SLC12A5: variants seen among roughly 807,000 people sequenced by gnomAD.
SLC12A5 encodes K-Cl cotransporter 2.
A neutral mutation model predicts 124.0 loss-of-function variants in SLC12A5; 18 were observed. The observed-to-expected ratio is 0.15, with a 90% CI of 0.10 to 0.22. The LOEUF (loss-of-function observed/expected upper bound fraction) is 0.22, where lower values mean the gene tolerates loss of function less well. Among genes scored for constraint, SLC12A5 ranks in the 10% least tolerant of loss-of-function variants. SLC12A5 has a pLI of 1.00. For missense variants in SLC12A5, 867 were observed against 1,478.7 expected, an observed-to-expected ratio of 0.59 and a Z score of 6.78; for synonymous variants, 589 against 568.0, an observed-to-expected ratio of 1.04 and a Z score of -0.53.
At chr20:46,035,245 C>T (rs1268124091) in intron 2 of SLC12A5, 159 bp from the exon 3 acceptor site, 6 of 1,050,708 alleles carry the variant, frequency 5.7e-6, no homozygotes, top group Non-Finnish European at 8.5e-6. Flanking sequence ...TCCTACCATT[C>T]TTACCCCTGT....
chr20:46,041,104 T>C (rs1261333415), intron 7 of SLC12A5: 1 of 493,848 alleles, frequency 2.0e-6, no homozygotes, highest in South Asian at 2.1e-5. Context: ...AACACAGCAT[T>C]GCACTAATGC....
At position 46,045,944 on chromosome 20, in the gene SLC12A5, G is replaced by C. The variant is rs1364136088; in HGVS notation, c.1636G>C (p.Glu546Gln). The C allele has an allele frequency of 6.8e-6, 11 of 1,614,010 alleles. No homozygotes were observed. The highest frequency in any genetic ancestry group is 9.3e-6 in the Non-Finnish European group (11 of 1,180,026). The change falls in exon 13 of 26, where the codon GAG (glutamate) becomes CAG (glutamine). Residue 546 changes from glutamate (E) to glutamine (Q), a missense_variant. By Grantham distance (29) the Glu-to-Gln change is conservative. This residue lies in a region of SLC12A5 where 152 missense variants were observed against 358.7 expected (regional missense o/e 0.42). Transcript: ENST00000243964. The surrounding 1 kb of genome is among the most constrained non-coding windows in gnomAD (Gnocchi z 4.9). Reference protein sequence around the residue: ...WALLLTACICEIGILIASLDE... With the variant: ...WALLLTACICQIGILIASLDE... ...CCTGCTCCTGACTGCCTGCATCTGC[G>C]AGATTGGCATCCTCATTGCATCCCT... is the stretch of plus-strand genomic sequence containing the variant.
At position 46,041,239 on chromosome 20, in the gene SLC12A5, G is replaced by A. The variant is rs998506161; in HGVS notation, c.855-90G>A. 5 of 1,080,614 alleles carry A rather than the reference G, an allele frequency of 4.6e-6. No individual in the cohort carries two copies. The African/African-American group carries it at 4.7e-5, about 10-fold the overall frequency. 66.9% of individuals were successfully genotyped at this position (1,080,614 alleles called of 1,614,324 possible). On this transcript the variant is annotated intron_variant, in intron 7 of 25. Coordinates refer to ENST00000243964, the MANE Select transcript of SLC12A5 (RefSeq NM_020708.5). ...CTCTGGATATGGGGACCTGGCGTCC[G>A]TGTGTTTAAAAGGTCTCCCGGTGGC...
upstream of SLC12A5, chr20:46,027,942 G>A (rs1216410229): frequency 1.3e-5 from 2 of 152,170 alleles, no homozygotes; most frequent in Non-Finnish European, 2.9e-5. Flanking sequence ...CTGGAACTTA[G>A]AGAGCCAGGG....
At chr20:46,043,963 G>T in intron 11 of SLC12A5, 30 bp downstream of exon 11, 1 of 1,564,230 alleles carries the variant, frequency 6.4e-7, no homozygotes, top group South Asian at 1.2e-5. Context: ...TCCTATTCTG[G>T]GGGAGGGGTG....
At position 46,040,412 on chromosome 20, in the gene SLC12A5, G is replaced by T. The variant is rs2084535300; in HGVS notation, c.652G>T (p.Asp218Tyr). 1.2e-6 allele frequency: 2 copies of T among 1,614,118 alleles called. No individual in the cohort carries two copies. Among genetic ancestry groups the T allele is most frequent in the Admixed American group, 3.3e-5 (2 of 60,012 alleles). Residue 218 changes from aspartate (D) to tyrosine (Y), a missense_variant, in exon 7 of 26, where the codon GAT becomes TAT. By Grantham distance (160) the Asp-to-Tyr change is radical. Around this residue, in one of 9 missense-constraint regions of SLC12A5, gnomAD observed 126 missense variants for 291.6 expected, o/e 0.43. Transcript: ENST00000243964. ...FPAMAIFKAE[D>Y]ASGEAAAMLN... is the part of the protein sequence containing the mutation. ...AGCCATGGCCATCTTCAAGGCAGAA[G>T]ATGCCAGTGGGGAGGCAGCAGCCAT...
chr20:46,040,673 A>T lies in SLC12A5; in HGVS notation c.854+59A>T. 1.9e-6 allele frequency: 3 copies of T among 1,588,690 alleles called. No homozygotes were observed. In the South Asian group the frequency reaches 3.4e-5, roughly 18 times the overall value. ...CCTCCTACCTCCCTGGCCCTGTTTC[A>T]GAGTCTCTGCCAAACTCCCCCTCCC... On this transcript the variant is annotated intron_variant, in intron 7 of 25. Transcript: ENST00000243964.
At chr20:46,048,589 A>T (rs896831858) in intron 16 of SLC12A5, among the ~76,000 whole-genome samples, 1 of 152,154 alleles carries the variant, frequency 6.6e-6, no homozygotes, top group African/African-American at 2.4e-5. Context: ...AAAATCAGGG[A>T]TGCCGAGCGC....
intron 17 of SLC12A5, among the ~76,000 whole-genome samples, chr20:46,051,309 G>T (rs990204765): frequency 2.6e-5 from 4 of 152,224 alleles, no homozygotes; most frequent in Admixed American, 2.6e-4. Context: ...TGGTCTGGGT[G>T]GGGGTGGTAT....
chr20:46,058,899 C>T lies in SLC12A5; in HGVS notation c.*1294C>T. 5 of 396,638 alleles carry T rather than the reference C, an allele frequency of 1.3e-5. No individual in the cohort carries two copies. The highest frequency in any genetic ancestry group is 1.1e-4 in the East Asian group (3 of 27,994). The allele number at this position is 396,638 out of a possible 1,614,324, so 24.6% of individuals were successfully genotyped here. A position where few individuals can be genotyped will look rare whatever the true frequency, so the allele number is the denominator to read the frequency against. ...GGGGCCGGGCCTCGCTGCTTAGCAG[C>T]GGCCTCTAGCTCCGTCTCCCGGGGA... is the stretch of plus-strand genomic sequence containing the variant. On this transcript the variant is annotated 3_prime_UTR_variant, in exon 26 of 26. Transcript: ENST00000243964. This position sits in a 1 kb window ranked among gnomAD's most constrained non-coding sequence, Gnocchi z 5.8.
intron 17 of SLC12A5, among the ~76,000 whole-genome samples, chr20:46,051,267 G>C (rs1206884395): frequency 6.6e-6 from 1 of 152,154 alleles, no homozygotes; most frequent in African/African-American, 2.4e-5. Context: ...GAAACAAATT[G>C]TCTGGCTGTG....
intron 1 of SLC12A5, among the ~76,000 whole-genome samples, chr20:46,030,948 C>T (rs993472897): frequency 3.3e-5 from 5 of 152,156 alleles, no homozygotes; most frequent in African/African-American, 1.2e-4. Flanking sequence ...CCCTCCCCCG[C>T]GGGCTTCTGG....
chr20:46,053,742 C>T lies in SLC12A5; in HGVS notation c.2679+33C>T, dbSNP rs2084665960. Reference sequence around the variant, plus strand: ...CCCAGGAGACACCGCTGGGGTTCCACCTGGCCCTCTTTCCTCTTGGCCCCA... The same window carrying T: ...CCCAGGAGACACCGCTGGGGTTCCATCTGGCCCTCTTTCCTCTTGGCCCCA... On this transcript the variant is annotated intron_variant, in intron 20 of 25. Coordinates refer to ENST00000243964, the MANE Select transcript of SLC12A5 (RefSeq NM_020708.5). This position sits in a 1 kb window ranked among gnomAD's most constrained non-coding sequence, Gnocchi z 4.7. 6.5e-7 allele frequency: 1 copy of T among 1,529,896 alleles called. No individual in the cohort carries two copies. Among genetic ancestry groups the T allele is most frequent in the Non-Finnish European group, 8.8e-7 (1 of 1,134,470 alleles). 94.8% of individuals were successfully genotyped at this position (1,529,896 alleles called of 1,614,324 possible).
rs1333762951 is a variant in SLC12A5, at chr20:46,053,337, GC to G, written c.2547+212del. On this transcript the variant is annotated intron_variant, in intron 19 of 25. Coordinates refer to ENST00000243964, the MANE Select transcript of SLC12A5 (RefSeq NM_020708.5). This position sits in a 1 kb window ranked among gnomAD's most constrained non-coding sequence, Gnocchi z 4.7. ...ACTGATGGTTTCTCCTCTTGCAGGT[GC>G]ACTGCTGTAAGGAGAGCAATGCTTA... 6.6e-6 allele frequency among the ~76,000 whole-genome samples: 1 copy of G among 152,218 alleles called. No homozygotes were observed. Among genetic ancestry groups the G allele is most frequent in the Non-Finnish European group, 1.5e-5 (1 of 68,042 alleles).
intron 14 of SLC12A5, 47 bp downstream of exon 14, chr20:46,046,483 C>A: frequency 6.5e-7 from 1 of 1,530,452 alleles, no homozygotes; most frequent in Non-Finnish European, 9.1e-7. Flanking sequence ...TGCTCACCTC[C>A]ACGCCAATCC....
rs758245188 is a variant in SLC12A5 at position 46,053,629 on chromosome 20, A to G, written c.2599A>G (p.Asn867Asp). 1 of 1,614,020 alleles carries G rather than the reference A, an allele frequency of 6.2e-7. No individual in the cohort carries two copies. The highest frequency in any genetic ancestry group is 8.5e-7 in the Non-Finnish European group (1 of 1,179,902). ...CTTCACTGTGGCCCAGATGGATGAC[A>G]ATAGCATCCAGATGAAGAAGGATCT... Reference protein sequence around the residue: ...RIFTVAQMDDNSIQMKKDLTT... With the variant: ...RIFTVAQMDDDSIQMKKDLTT... The change falls in exon 20 of 26, where the codon AAT becomes GAT. Residue 867 changes from asparagine (N) to aspartate (D), a missense_variant. Asn to Asp is a conservative substitution (Grantham distance 23). Coordinates refer to ENST00000243964, the MANE Select transcript of SLC12A5 (RefSeq NM_020708.5). This position sits in a 1 kb window ranked among gnomAD's most constrained non-coding sequence, Gnocchi z 4.7.
intron 14 of SLC12A5, 120 bp from the exon 15 acceptor site, chr20:46,047,334 C>T (rs575275414): frequency 4.1e-4 from 547 of 1,338,726 alleles, no homozygotes; most frequent in Middle Eastern, 1.4e-3. Context: ...TCCCCTAGAC[C>T]GGGCTGTCAC....
At chr20:46,042,913 C>T (rs892792051) in intron 8 of SLC12A5, among the ~76,000 whole-genome samples, 1 of 152,036 alleles carries the variant, frequency 6.6e-6, no homozygotes, top group South Asian at 2.1e-4. Flanking sequence ...TCATTTACTC[C>T]ACTAGATTGG....
intron 1 of SLC12A5, among the ~76,000 whole-genome samples, chr20:46,032,160 G>T (rs1382818017): frequency 1.3e-5 from 2 of 152,200 alleles, no homozygotes; most frequent in African/African-American, 4.8e-5. Context: ...AGCGGCTGCG[G>T]GCGCGCGGCC....
Sources: gnomAD v4.1 joint callset for allele counts (sites outside exome capture counted in the v4.1 genomes callset) on GRCh38, gnomAD v4.1.1 for gene constraint, gnomAD v4.1.1 regional missense constraint, Gnocchi (gnomAD v3.1) non-coding constraint, MANE v1.5 for transcripts, NCBI Gene and HGNC (gene_info 2026-07-23, HGNC 2026-07-21) for gene names.